Variants in KIAA0586 observed in about 807,000 individuals in gnomAD.
KIAA0586 encodes KIAA0586, also known as protein TALPID3.
KIAA0586 carries 144 observed loss-of-function variants against 169.8 expected under a neutral mutation model. That is an observed-to-expected ratio of 0.85 (90% confidence interval 0.74 to 0.97). The LOEUF (loss-of-function observed/expected upper bound fraction) is 0.97, where lower values mean the gene tolerates loss of function less well. KIAA0586 is among the 50% of genes least tolerant of loss of function. The pLI, the probability that KIAA0586 is intolerant of heterozygous loss-of-function variation, is 0.00. For synonymous variants in KIAA0586, 625 were observed against 612.4 expected (o/e 1.02, Z -0.30); for missense variants, 1,854 against 1,823.0 (o/e 1.02, Z -0.31).
intron 27 of KIAA0586, among the ~76,000 whole-genome samples, chr14:58,505,959 T>C (rs1486432716): frequency 6.6e-6 from 1 of 152,194 alleles, no homozygotes; most frequent in Non-Finnish European, 1.5e-5. Context: ...GGCTTGATTA[T>C]GTTGCTATAC....
downstream of KIAA0586, among the ~76,000 whole-genome samples, chr14:58,552,511 CTTTA>C (rs2047219803): frequency 6.6e-6 from 1 of 152,032 alleles, no homozygotes; most frequent in Non-Finnish European, 1.5e-5. Flanking sequence ...TTTTCTGGGT[CTTTA>C]TAGTATGAAT....
chr14:58,463,995 C>A, intron 14 of KIAA0586: 2 of 454,520 alleles, frequency 4.4e-6, no homozygotes, highest in East Asian at 6.7e-5. Flanking sequence ...GTGTAGACAC[C>A]CCTGCAGCAG....
intron 24 of KIAA0586, among the ~76,000 whole-genome samples, chr14:58,489,584 T>G (rs1432038788): frequency 6.6e-6 from 1 of 152,100 alleles, no homozygotes; most frequent in Non-Finnish European, 1.5e-5. Context: ...TAACTCCATA[T>G]TTTTCTTATT....
intron 30 of KIAA0586, among the ~76,000 whole-genome samples, chr14:58,541,357 T>C (rs2046624966): frequency 6.6e-6 from 1 of 152,230 alleles, no homozygotes; most frequent in Admixed American, 6.5e-5. Flanking sequence ...TACAAGGTGA[T>C]AAGGTCACAG....
In KIAA0586 at chr14:58,547,783, G is replaced by A. The variant is rs773207654; in HGVS notation, c.4498G>A (p.Gly1500Arg). Residue 1500 changes from glycine (G) to arginine (R), a missense_variant and splice_region_variant, in exon 31 of 31, where the codon GGG (glycine) becomes AGG (arginine). By Grantham distance (125) the Gly-to-Arg change is moderately radical. Transcript: ENST00000652326. ...GAATGAGCTTCTCCTTTGTGCAGGTGGGAAAGCAGTGCCACTCTCCGCTTC... is the reference window on the plus strand; with the variant it reads ...GAATGAGCTTCTCCTTTGTGCAGGTAGGAAAGCAGTGCCACTCTCCGCTTC... Reference protein sequence around the residue: ...NPYLTCVFSGGKAVPLSASQM... With the variant: ...NPYLTCVFSGRKAVPLSASQM... 2 of 1,612,728 alleles carry A rather than the reference G, an allele frequency of 1.2e-6. No homozygotes were observed. Among genetic ancestry groups the A allele is most frequent in the South Asian group, 2.2e-5 (2 of 90,992 alleles).
chr14:58,451,112 C>A (rs972618840), intron 8 of KIAA0586, among the ~76,000 whole-genome samples: 1 of 151,766 alleles, frequency 6.6e-6, no homozygotes, highest in Non-Finnish European at 1.5e-5. Flanking sequence ...CCTCAGCCTC[C>A]GGATTAGCTG....
In KIAA0586 at chr14:58,456,535, A is replaced by G. The variant is rs146137598; in HGVS notation, c.1254-167A>G. The stretch of plus-strand genomic sequence containing the variant: ...TGATTTTCTGTGTTTCATTTGTTTA[A>G]TCACATAACTGATTAATTCCATAGT... On this transcript the variant is annotated intron_variant, in intron 9 of 30. Transcript: ENST00000652326. Among the ~76,000 whole-genome samples the G allele has an allele frequency of 2.8e-3, 430 of 152,294 alleles. 4 individuals are homozygous for G. The highest frequency in any genetic ancestry group is 9.9e-3 in the African/African-American group (412 of 41,566).
At chr14:58,526,239 G>A (rs934856964) in intron 29 of KIAA0586, among the ~76,000 whole-genome samples, 18 of 152,154 alleles carry the variant, frequency 1.2e-4, no homozygotes, top group Non-Finnish European at 2.2e-4. Flanking sequence ...CAAGGGGGTC[G>A]CTGACCCCCA....
At chr14:58,514,864 T>C (rs906690670) in intron 29 of KIAA0586, among the ~76,000 whole-genome samples, 66 of 152,192 alleles carry the variant, frequency 4.3e-4, no homozygotes, top group Middle Eastern at 3.4e-3. Context: ...GTCATTTCTA[T>C]TTTTCCCCCT....
chr14:58,552,297 T>A (rs564130949), downstream of KIAA0586, among the ~76,000 whole-genome samples: 14 of 152,326 alleles, frequency 9.2e-5, 1 homozygote, highest in South Asian at 2.7e-3. Context: ...AGATTTTAAG[T>A]GTCAGACTGT....
At chr14:58,483,717 C>T (rs1247197261) in intron 21 of KIAA0586, among the ~76,000 whole-genome samples, 1 of 152,068 alleles carries the variant, frequency 6.6e-6, no homozygotes, top group East Asian at 1.9e-4. Context: ...AATTTATAAT[C>T]TATTATAGCA....
In KIAA0586 at chr14:58,444,130, C is replaced by T; in HGVS notation, c.762C>T (p.His254=). 1 of 1,613,546 alleles carries T rather than the reference C, an allele frequency of 6.2e-7. No homozygotes were observed. Among genetic ancestry groups the T allele is most frequent in the Non-Finnish European group, 8.5e-7 (1 of 1,179,602 alleles). The change falls in exon 6 of 31, where the codon CAC becomes CAT. Residue 254 remains histidine, a synonymous_variant. Transcript: ENST00000652326. ...AAATGAATGTGTTTATGGAGCAGCACATAAGGCATCTTGAAAAGTTACAAC... is the reference window on the plus strand; with the variant it reads ...AAATGAATGTGTTTATGGAGCAGCATATAAGGCATCTTGAAAAGTTACAAC... ...EKQMNVFMEQ[H]IRHLEKLQQQ...
At position 58,456,806 on chromosome 14, in the gene KIAA0586, TC is replaced by T; in HGVS notation, c.1360del (p.Gln454SerfsTer6). On this transcript the variant is annotated frameshift_variant, in exon 10 of 31. Transcript: ENST00000652326. LOFTEE classifies it high-confidence loss of function. Reference protein sequence around the residue: ...GQKEKETNSMVQPKESLSMLK... With the variant: ...GQKEKETNSMXQPKESLSMLK... The stretch of plus-strand genomic sequence containing the variant: ...AAAGAGAAAGAAACAAATAGCATGG[TC>T]CAGGTAAAGTGGGAATGGTCTTAAA... The T allele has an allele frequency of 6.4e-7, 1 of 1,554,184 alleles. No individual in the cohort carries two copies. The highest frequency in any genetic ancestry group is 8.8e-7 in the Non-Finnish European group (1 of 1,133,632).
chr14:58,440,279 T>C, intron 4 of KIAA0586: 1 of 407,106 alleles, frequency 2.5e-6, no homozygotes, highest in Admixed American at 2.8e-5. Flanking sequence ...TGCTTTTCTC[T>C]TTTCTTCTTT....
Position 58,492,176 on chromosome 14 carries a change from TA to T in KIAA0586, c.3892del (p.Arg1298GlyfsTer50). 2 of 1,548,934 alleles carry T rather than the reference TA, an allele frequency of 1.3e-6. No individual in the cohort carries two copies. The highest frequency in any genetic ancestry group is 1.7e-6 in the Non-Finnish European group (2 of 1,145,354). ...DDPPSEGQVIRMSHKKFHADA... is the reference protein window; with the variant it reads ...DDPPSEGQVIXMSHKKFHADA... ...ATCCTCCTAGTGAAGGGCAAGTGAT[TA>T]GGATGTCCCATAAAAAATTTCATGC... On this transcript the variant is annotated frameshift_variant, in exon 26 of 31. Transcript: ENST00000652326. LOFTEE classifies it high-confidence loss of function.
chr14:58,441,386 A>C (rs1305973858), intron 4 of KIAA0586: 1 of 382,482 alleles, frequency 2.6e-6, no homozygotes, highest in Non-Finnish European at 5.4e-6. Flanking sequence ...TTTTTTGTAG[A>C]GTCAGGATTT....
chr14:58,525,985 C>T lies in KIAA0586; in HGVS notation c.4429+13358C>T, dbSNP rs149456406. ...GGAACCCACCATGTCTCAGCAAAGC[C>T]GCTGTAGCCAGACTGCCTCTGTAGA... On this transcript the variant is annotated intron_variant, in intron 29 of 30. Transcript: ENST00000652326. 5.3e-4 allele frequency among the ~76,000 whole-genome samples: 81 copies of T among 152,334 alleles called. No individual in the cohort carries two copies. In the East Asian group the frequency reaches 0.011, roughly 20 times the overall value.
intron 29 of KIAA0586, among the ~76,000 whole-genome samples, chr14:58,517,124 T>C (rs1371603316): frequency 6.6e-6 from 1 of 152,172 alleles, no homozygotes; most frequent in Non-Finnish European, 1.5e-5. Context: ...CTAATGATAA[T>C]TGGACTTAAT....
Position 58,490,187 on chromosome 14 carries a change from C to G in KIAA0586, c.3805C>G (p.Leu1269Val). 6.6e-7 allele frequency: 1 copy of G among 1,520,192 alleles called. No homozygotes were observed. The highest frequency in any genetic ancestry group is 8.9e-7 in the Non-Finnish European group (1 of 1,122,720). 94.2% of individuals were successfully genotyped at this position (1,520,192 alleles called of 1,614,324 possible). A position where few individuals can be genotyped will look rare whatever the true frequency, so the allele number is the denominator to read the frequency against. Residue 1269 changes from leucine to valine, a missense_variant, in exon 25 of 31, where the codon CTG becomes GTG. Physicochemically the swap from Leu to Val is conservative, Grantham distance 32. Transcript: ENST00000652326. ...PKILEDIGLY[L>V]TNLNDSLSST... ...AGTTTTAGAAGATATAGGACTGTAC[C>G]TGACAAACCTTAATGATAGCTTATC...
Sources: gnomAD v4.1 joint callset for allele counts (sites outside exome capture counted in the v4.1 genomes callset) on GRCh38, gnomAD v4.1.1 for gene constraint, MANE v1.5 for transcripts, NCBI Gene and HGNC (gene_info 2026-07-23, HGNC 2026-07-21) for gene names.